Variants in PAK3 observed in about 807,000 individuals in gnomAD.
PAK3 encodes the protein p21 (RAC1) activated kinase 3.
A neutral mutation model predicts 41.0 loss-of-function variants in PAK3; 4 were observed. That is an observed-to-expected ratio of 0.10 (90% confidence interval 0.05 to 0.22). PAK3 has a LOEUF of 0.22. PAK3 is among the 10% of genes least tolerant of loss of function. The pLI, the probability that PAK3 is intolerant of heterozygous loss-of-function variation, is 1.00. For synonymous variants in PAK3, 146 were observed against 139.6 expected, an observed-to-expected ratio of 1.05 and a Z score of -0.32; for missense variants, 205 against 409.9, an observed-to-expected ratio of 0.50 and a Z score of 4.32.
intron 1 of PAK3, among the ~76,000 whole-genome samples, chrX:111,035,131 AAAAG>A (rs1556453358): frequency 8.5e-4 from 46 of 54,269 alleles, no homozygotes; most frequent in African/African-American, 2.5e-3. Context: ...AAAAAAAAAA[AAAAG>A]AAAGAAAGAA....
At chrX:111,153,887 G>A (rs1374566102) in intron 8 of PAK3, among the ~76,000 whole-genome samples, 1 of 111,885 alleles carries the variant, frequency 8.9e-6, no homozygotes, top group African/African-American at 3.2e-5. Flanking sequence ...AATGGTGGAA[G>A]CAACCCAAGT....
At chrX:111,017,307 G>T (rs967647855) in intron 1 of PAK3, among the ~76,000 whole-genome samples, 16 of 111,444 alleles carry the variant, frequency 1.4e-4, no homozygotes, top group Admixed American at 1.3e-3. Context: ...TCCAAGAGAT[G>T]TCTCTTTGAA....
intron 1 of PAK3, among the ~76,000 whole-genome samples, chrX:110,964,787 G>T (rs1266250899): frequency 8.9e-6 from 1 of 112,231 alleles, no homozygotes; most frequent in Non-Finnish European, 1.9e-5. Context: ...AATGAGGGTG[G>T]CCCATTTGGT....
chrX:111,174,167 T>A (rs1182750325), intron 11 of PAK3, among the ~76,000 whole-genome samples: 1 of 112,091 alleles, frequency 8.9e-6, no homozygotes, highest in Non-Finnish European at 1.9e-5. Flanking sequence ...CAAAAAAGTA[T>A]ACATCATATA....
At chrX:111,061,762 A>G (rs1339166876) in intron 1 of PAK3, among the ~76,000 whole-genome samples, 1 of 110,673 alleles carries the variant, frequency 9.0e-6, no homozygotes, top group Non-Finnish European at 1.9e-5. Context: ...CCAATTGGTT[A>G]TTATTGGTGT....
At chrX:111,006,016 G>A (rs2091916969) in intron 1 of PAK3, among the ~76,000 whole-genome samples, 1 of 111,313 alleles carries the variant, frequency 9.0e-6, no homozygotes, top group East Asian at 2.8e-4. Context: ...CCCAGCAATA[G>A]ACAGGGGTCA....
intron 1 of PAK3, among the ~76,000 whole-genome samples, chrX:111,084,658 C>G (rs757235771): frequency 2.0e-4 from 22 of 111,948 alleles, no homozygotes; most frequent in Non-Finnish European, 3.8e-4. Context: ...AGCAGAGTAA[C>G]TGATAAGTTC....
At position 111,024,740 on chromosome X, in the gene PAK3, C is replaced by A. The variant is rs780768291; in HGVS notation, c.-28+80112C>A. Among the ~76,000 whole-genome samples, 4 of 110,929 alleles carry A rather than the reference C, an allele frequency of 3.6e-5. No individual in the cohort carries two copies. In the East Asian group the frequency reaches 1.1e-3, roughly 32 times the overall value. On this transcript the variant is annotated intron_variant, in intron 1 of 14. Coordinates refer to the PAK3 transcript ENST00000425146. The stretch of plus-strand genomic sequence containing the variant: ...CCACTGATGGCACTAGATAGGTCAT[C>A]AAAACAGAAAGTCAACAAAGAAACA...
intron 1 of PAK3, among the ~76,000 whole-genome samples, chrX:110,953,750 C>T (rs1020823473): frequency 4.3e-4 from 48 of 111,818 alleles, no homozygotes; most frequent in African/African-American, 1.4e-3. Context: ...TTTGGCCTAG[C>T]TCCCTGGGAC....
intron 1 of PAK3, among the ~76,000 whole-genome samples, chrX:111,057,142 G>A (rs1348015521): frequency 9.0e-6 from 1 of 111,213 alleles, no homozygotes; most frequent in Non-Finnish European, 1.9e-5. Flanking sequence ...CCATCAAAAA[G>A]TGGGCAAAGG....
chrX:111,082,880 G>A (rs888356115), intron 1 of PAK3, among the ~76,000 whole-genome samples: 1 of 111,601 alleles, frequency 9.0e-6, no homozygotes, highest in Non-Finnish European at 1.9e-5. Context: ...CAAGGAGCAC[G>A]GATATAGTTC....
intron 3 of PAK3, among the ~76,000 whole-genome samples, chrX:111,099,187 G>C (rs1014567559): frequency 8.9e-6 from 1 of 112,389 alleles, no homozygotes; most frequent in Non-Finnish European, 1.9e-5. Context: ...GATATGCGTC[G>C]CTTCCTACCG....
chrX:111,187,970 T>TATAC (rs1491540141), intron 11 of PAK3, among the ~76,000 whole-genome samples: 1 of 90,167 alleles, frequency 1.1e-5, no homozygotes, highest in African/African-American at 3.7e-5. Flanking sequence ...TATATATATA[T>TATAC]ACACACATTA....
intron 1 of PAK3, among the ~76,000 whole-genome samples, chrX:110,986,366 T>A (rs1458804116): frequency 9.0e-6 from 1 of 111,719 alleles, no homozygotes; most frequent in African/African-American, 3.3e-5. Context: ...AAGAGACAAC[T>A]GACTAGGCAG....
chrX:111,033,482 G>A (rs754181754), intron 1 of PAK3, among the ~76,000 whole-genome samples: 1 of 111,972 alleles, frequency 8.9e-6, no homozygotes, highest in East Asian at 2.8e-4. Context: ...TCAATGAAAT[G>A]GAACTTGCCC....
At chrX:111,161,703 G>A (rs1456817197) in intron 8 of PAK3, among the ~76,000 whole-genome samples, 3 of 109,577 alleles carry the variant, frequency 2.7e-5, no homozygotes, top group Non-Finnish European at 5.7e-5. Context: ...AGTTTTCCCA[G>A]CAAAATTTAT....
At chrX:111,105,760 A>G (rs942422034) in intron 4 of PAK3, among the ~76,000 whole-genome samples, 2 of 111,308 alleles carry the variant, frequency 1.8e-5, no homozygotes, top group Non-Finnish European at 3.8e-5. Flanking sequence ...CTGAGACATC[A>G]TCACACTCTA....
intron 1 of PAK3, among the ~76,000 whole-genome samples, chrX:111,035,340 C>G (rs1180914729): frequency 9.0e-6 from 1 of 111,320 alleles, no homozygotes; most frequent in African/African-American, 3.3e-5. Flanking sequence ...ATTCTGCACT[C>G]TGCGGGGACT....
At chrX:111,135,563 A>G (rs1302786393) in intron 5 of PAK3, among the ~76,000 whole-genome samples, 3 of 111,251 alleles carry the variant, frequency 2.7e-5, no homozygotes, top group Non-Finnish European at 3.8e-5. Flanking sequence ...CCTTCTGCAA[A>G]TGAGGCTGAG....
Sources: allele counts gnomAD v4.1 joint callset (sites outside exome capture counted in the v4.1 genomes callset), GRCh38; gene constraint gnomAD v4.1.1; transcripts MANE v1.5; gene names NCBI Gene and HGNC (gene_info 2026-07-23, HGNC 2026-07-21).